Variants in PDE10A observed in about 807,000 individuals in gnomAD.
The protein encoded by PDE10A is cAMP and cAMP-inhibited cGMP 3',5'-cyclic phosphodiesterase 10A.
Under a neutral mutation model 97.7 loss-of-function variants are expected in PDE10A, and 39 were observed. The observed-to-expected ratio is 0.40, with a 90% CI of 0.31 to 0.52. PDE10A has a LOEUF of 0.52. PDE10A is among the 20% of genes least tolerant of loss of function. The pLI is 0.56. For synonymous variants in PDE10A, 371 were observed against 376.8 expected (o/e 0.98, Z 0.18); for missense variants, 731 against 1,047.8 (o/e 0.70, Z 4.17).
chr6:165,447,821 A>C (rs894219193), intron 5 of PDE10A, among the ~76,000 whole-genome samples: 1 of 152,198 alleles, frequency 6.6e-6, no homozygotes, highest in Non-Finnish European at 1.5e-5. Flanking sequence ...AAATACAAGA[A>C]TGAACAAGAA....
At chr6:165,941,674 G>T (rs1583316822) in intron 1 of PDE10A, among the ~76,000 whole-genome samples, 1 of 152,172 alleles carries the variant, frequency 6.6e-6, no homozygotes. Context: ...TGATGTGCCT[G>T]CTCTCCCTTT....
chr6:165,532,704 C>A (rs1782855581), intron 2 of PDE10A, among the ~76,000 whole-genome samples: 1 of 152,138 alleles, frequency 6.6e-6, no homozygotes, highest in Admixed American at 6.5e-5. Flanking sequence ...ACATTTCTAA[C>A]TAGTTCCCAG....
At chr6:165,560,673 C>T (rs1784475794) in intron 1 of PDE10A, among the ~76,000 whole-genome samples, 1 of 152,202 alleles carries the variant, frequency 6.6e-6, no homozygotes, top group Non-Finnish European at 1.5e-5. Flanking sequence ...AACTATGTCA[C>T]CCTTAACCAG....
chr6:165,370,671 G>A (rs777128285), intron 18 of PDE10A, among the ~76,000 whole-genome samples: 1,489 of 146,828 alleles, frequency 0.01, 5 homozygotes, highest in Non-Finnish European at 0.016. Context: ...ACAGATCAAC[G>A]AGACAGAAAG....
At chr6:165,913,097 C>A (rs559236307) in intron 1 of PDE10A, among the ~76,000 whole-genome samples, 94 of 152,286 alleles carry the variant, frequency 6.2e-4, no homozygotes, top group African/African-American at 2.2e-3. Context: ...TTACATAAAA[C>A]TACCTCAGGC....
intron 18 of PDE10A, among the ~76,000 whole-genome samples, chr6:165,356,328 A>T (rs1783025293): frequency 6.6e-6 from 1 of 152,182 alleles, no homozygotes; most frequent in African/African-American, 2.4e-5. Context: ...GTTTTACCTT[A>T]TGATTAGAGA....
At chr6:165,488,693 G>T (rs1037126462) in intron 2 of PDE10A, among the ~76,000 whole-genome samples, 1 of 152,048 alleles carries the variant, frequency 6.6e-6, no homozygotes, top group Non-Finnish European at 1.5e-5. Flanking sequence ...TTGTACCCTG[G>T]GGCAAGTTCT....
rs1562410903 is a variant in PDE10A, at chr6:165,388,486, A to G, written c.2455-33T>C. On this transcript the variant is annotated intron_variant, in intron 16 of 21. Coordinates refer to ENST00000539869, the MANE Select transcript of PDE10A (RefSeq NM_001385079.1). The surrounding 1 kb of genome is among the most constrained non-coding windows in gnomAD (Gnocchi z 4.0). ...AAATAATATGATGCAGAGATGCTCA[A>G]AACACAGAAACACACATGAGCAGAC... The G allele has an allele frequency of 6.3e-7, 1 of 1,597,836 alleles. No homozygotes were observed. Among genetic ancestry groups the G allele is most frequent in the East Asian group, 2.2e-5 (1 of 44,782 alleles).
intron 3 of PDE10A, 69 bp downstream of exon 3, chr6:165,482,246 A>T: frequency 9.8e-7 from 1 of 1,016,352 alleles, no homozygotes; most frequent in African/African-American, 1.6e-5. Flanking sequence ...GTGTTAGAGT[A>T]CTGAGAGATA....
intron 1 of PDE10A, among the ~76,000 whole-genome samples, chr6:165,658,497 G>A (rs1269782246): frequency 1.3e-5 from 2 of 152,144 alleles, no homozygotes; most frequent in Non-Finnish European, 2.9e-5. Flanking sequence ...ACAGAGAGAG[G>A]TGCGGGCGTA....
rs184493293 is a variant in PDE10A at position 165,459,804 on chromosome 6, A to G, written c.1024-9442T>C. On this transcript the variant is annotated intron_variant, in intron 3 of 21. Coordinates refer to ENST00000539869, the MANE Select transcript of PDE10A (RefSeq NM_001385079.1). ...CAGGCAATGGCAGGACTGAGAGTGG[A>G]TAAAGGAAATACTACGTTTCCTGGA... 6.2e-3 allele frequency among the ~76,000 whole-genome samples: 941 copies of G among 152,274 alleles called. 7 individuals are homozygous for G. Among genetic ancestry groups the G allele is most frequent in the Non-Finnish European group, 0.011 (733 of 68,030 alleles).
chr6:165,392,856 A>G, intron 15 of PDE10A, 60 bp from the exon 16 acceptor site: 1 of 1,486,878 alleles, frequency 6.7e-7, no homozygotes, highest in Non-Finnish European at 9.4e-7. Flanking sequence ...GTTGTAGGAG[A>G]ACTCCCTAGT....
At chr6:165,883,006 C>T (rs139878408) in intron 1 of PDE10A, among the ~76,000 whole-genome samples, 6,277 of 151,556 alleles carry the variant, frequency 0.041, 176 homozygotes, top group Middle Eastern at 0.11. Context: ...GAGGCGGAGG[C>T]GGGCAGATTG....
chr6:165,780,736 GC>G (rs1274982051), intron 1 of PDE10A: 1 of 152,230 alleles, frequency 6.6e-6, no homozygotes, highest in African/African-American at 2.4e-5. Flanking sequence ...CCACATTGGT[GC>G]CAGCTGTTGG....
chr6:165,769,862 TA>T (rs1777956621), intron 1 of PDE10A, among the ~76,000 whole-genome samples: 1 of 152,126 alleles, frequency 6.6e-6, no homozygotes. Flanking sequence ...ACAATACAAA[TA>T]AAATAAATTA....
intron 1 of PDE10A, among the ~76,000 whole-genome samples, chr6:165,825,734 G>T (rs1047469576): frequency 8.5e-5 from 13 of 152,174 alleles, no homozygotes; most frequent in Non-Finnish European, 1.5e-4. Context: ...CCCCCTGGGG[G>T]TTATCTGTCC....
At position 165,731,745 on chromosome 6, in the gene PDE10A, A is replaced by G. The variant is rs183237291; in HGVS notation, c.-614-188177T>C. 1.5e-3 allele frequency among the ~76,000 whole-genome samples: 224 copies of G among 152,334 alleles called. 1 individual carries two copies. The highest frequency in any genetic ancestry group is 5.3e-3 in the African/African-American group (220 of 41,576). Reference sequence around the variant, plus strand: ...ACACTTGGACTGATGCCTAGGACTTAGTGAGTGCTCCAGAAGAGTTAGTGA... The same window carrying G: ...ACACTTGGACTGATGCCTAGGACTTGGTGAGTGCTCCAGAAGAGTTAGTGA... On this transcript the variant is annotated intron_variant, in intron 1 of 19. Transcript: ENST00000366882.
chr6:165,344,699 C>T (rs930512356), intron 18 of PDE10A, among the ~76,000 whole-genome samples: 1 of 152,182 alleles, frequency 6.6e-6, no homozygotes, highest in Non-Finnish European at 1.5e-5. Context: ...TCTTATGATA[C>T]CATCGATCAC....
In PDE10A at chr6:165,511,805, GTCTGTTTTA is replaced by G. The variant is rs1485005015; in HGVS notation, c.995-29471_995-29463del. Among the ~76,000 whole-genome samples the G allele has an allele frequency of 2.6e-5, 4 of 151,988 alleles. No homozygotes were observed. The East Asian group carries it at 7.7e-4, about 29-fold the overall frequency. On this transcript the variant is annotated intron_variant, in intron 2 of 21. Transcript: ENST00000539869. ...ATTTCTTTATGGTTTTTTACTTAAAGTCTGTTTTATCTGATGTAAGTATAGCTACTCCTG... is the reference window on the plus strand; with the variant it reads ...ATTTCTTTATGGTTTTTTACTTAAAGTCTGATGTAAGTATAGCTACTCCTG...
Sources: gnomAD v4.1 joint callset for allele counts (sites outside exome capture counted in the v4.1 genomes callset) on GRCh38, gnomAD v4.1.1 for gene constraint, Gnocchi (gnomAD v3.1) non-coding constraint, MANE v1.5 for transcripts, NCBI Gene and HGNC (gene_info 2026-07-23, HGNC 2026-07-21) for gene names.